SATB2: variants seen among roughly 807,000 people sequenced by gnomAD.
SATB2 encodes the protein SATB homeobox 2, also known as DNA-binding protein SATB2.
In SATB2, 1 loss-of-function variant was observed where a neutral mutation model predicts 73.4. The ratio of observed to expected loss-of-function variants is 0.01; its 90% CI spans 0.00 to 0.06. The LOEUF (loss-of-function observed/expected upper bound fraction) is 0.06, where lower values mean the gene tolerates loss of function less well. SATB2 is among the 10% of genes least tolerant of loss of function. SATB2 has a pLI of 1.00. For synonymous variants in SATB2, 397 were observed against 367.0 expected (o/e 1.08, Z -0.93); for missense variants, 459 against 945.8 (o/e 0.49, Z 6.75).
intron 3 of SATB2, among the ~76,000 whole-genome samples, chr2:199,393,275 G>C (rs1220132981): frequency 6.6e-6 from 1 of 152,272 alleles, no homozygotes; most frequent in East Asian, 1.9e-4. Context: ...AGGGAAGGAG[G>C]GAATGAAGCT....
chr2:199,369,442 A>G (rs1689379505), intron 5 of SATB2, among the ~76,000 whole-genome samples: 1 of 152,222 alleles, frequency 6.6e-6, no homozygotes, highest in Non-Finnish European at 1.5e-5. Context: ...AGTTAAAATT[A>G]TAATTACACA....
intron 10 of SATB2, among the ~76,000 whole-genome samples, chr2:199,295,872 C>T (rs1180806542): frequency 6.6e-6 from 1 of 152,170 alleles, no homozygotes. Context: ...CTTGATCTCC[C>T]ATTTCTAGGG....
intron 6 of SATB2, among the ~76,000 whole-genome samples, chr2:199,356,264 G>T (rs1463949650): frequency 1.4e-5 from 2 of 146,632 alleles, no homozygotes; most frequent in Admixed American, 1.4e-4. Context: ...AAGAAAAGAC[G>T]ACGGCAGAAT....
chr2:199,461,935 C>T (rs1445851633), upstream of SATB2, among the ~76,000 whole-genome samples: 2 of 152,204 alleles, frequency 1.3e-5, no homozygotes, highest in African/African-American at 4.8e-5. Flanking sequence ...GGTCAACCTT[C>T]CTTCCTAGAG....
chr2:199,436,022 A>C (rs576052885), intron 2 of SATB2, among the ~76,000 whole-genome samples: 50 of 152,318 alleles, frequency 3.3e-4, no homozygotes, highest in African/African-American at 1.1e-3. Context: ...TGTGTACATA[A>C]GTTTCGATGC....
chr2:199,458,399 G>C (rs965587268), upstream of SATB2: 25 of 354,820 alleles, frequency 7.0e-5, no homozygotes, highest in Non-Finnish European at 1.2e-4. Context: ...GTCGGAGCGG[G>C]GTGACGAGGA....
chr2:199,329,959 G>C (rs956214329), intron 7 of SATB2, among the ~76,000 whole-genome samples: 5 of 152,070 alleles, frequency 3.3e-5, no homozygotes, highest in Admixed American at 3.3e-4. Context: ...ATAAGAACAG[G>C]GTTTAGGATT....
chr2:199,395,635 AATG>A (rs112652034), intron 3 of SATB2, among the ~76,000 whole-genome samples: 34 of 152,336 alleles, frequency 2.2e-4, no homozygotes, highest in African/African-American at 7.9e-4. Context: ...AGAGTCCAAA[AATG>A]ATTATAAATT....
At chr2:199,452,863 CTCAGA>C (rs752722335) in intron 2 of SATB2, among the ~76,000 whole-genome samples, 9 of 152,004 alleles carry the variant, frequency 5.9e-5, no homozygotes, top group Admixed American at 4.6e-4. Flanking sequence ...AAACACACTG[CTCAGA>C]TAAGAGTAAA....
upstream of SATB2, among the ~76,000 whole-genome samples, chr2:199,467,875 G>A (rs1692623642): frequency 1.3e-5 from 2 of 151,972 alleles, no homozygotes; most frequent in Non-Finnish European, 2.9e-5. Flanking sequence ...TGCTCCTCTC[G>A]GTCTCAGCAT....
At chr2:199,377,369 T>C (rs148139357) in intron 5 of SATB2, among the ~76,000 whole-genome samples, 97 of 152,024 alleles carry the variant, frequency 6.4e-4, no homozygotes, top group Middle Eastern at 3.4e-3. Context: ...CAGAGCGAAA[T>C]TCTGTCTTAA....
chr2:199,447,880 T>C lies in SATB2; in HGVS notation c.169+7989A>G. Among the ~76,000 whole-genome samples the C allele has an allele frequency of 5.0e-5, 2 of 39,826 alleles. 1 individual carries two copies. The highest frequency in any genetic ancestry group is 2.7e-4 in the Non-Finnish European group (2 of 7,454). The allele number at this position is 39,826 out of a possible 152,430, so 26.1% of individuals were successfully genotyped here. ...AGGTCCACCTCATTTTTCTTAATGA[T>C]GTTTTTATTATTCTTTCACTCAATT... On this transcript the variant is annotated intron_variant, in intron 2 of 10. Transcript: ENST00000417098.
At chr2:199,451,440 T>C (rs1692120869) in intron 2 of SATB2, among the ~76,000 whole-genome samples, 1 of 146,868 alleles carries the variant, frequency 6.8e-6, no homozygotes, top group Non-Finnish European at 1.5e-5. Flanking sequence ...TTAAAAGATC[T>C]TAAAACCTTA....
intron 10 of SATB2, among the ~76,000 whole-genome samples, chr2:199,289,722 T>C (rs1457037515): frequency 1.3e-5 from 2 of 152,188 alleles, no homozygotes; most frequent in African/African-American, 4.8e-5. Context: ...CGCTCTTGAT[T>C]GGTGCTCCAA....
At chr2:199,296,841 C>T (rs1430056271) in intron 10 of SATB2, among the ~76,000 whole-genome samples, 1 of 152,160 alleles carries the variant, frequency 6.6e-6, no homozygotes, top group Non-Finnish European at 1.5e-5. Context: ...CATCTTTTCT[C>T]TTATTGGGTC....
intron 3 of SATB2, among the ~76,000 whole-genome samples, chr2:199,397,331 T>C (rs567635427): frequency 1.1e-4 from 16 of 152,230 alleles, no homozygotes; most frequent in African/African-American, 3.4e-4. Context: ...GCTTCTGCTA[T>C]TCACAGAATA....
rs555091401 is a variant in SATB2 at position 199,421,774 on chromosome 2, C to T, written c.346+11564G>A. Among the ~76,000 whole-genome samples the T allele has an allele frequency of 1.5e-3, 222 of 152,242 alleles. 2 individuals are homozygous for T. The highest frequency in any genetic ancestry group is 4.9e-3 in the African/African-American group (204 of 41,534). ...AGCCTTCTTCCACATTAAAAACAAA[C>T]GCTTAACTCCTTACCACAGACAAAG... On this transcript the variant is annotated intron_variant, in intron 3 of 10. Coordinates refer to ENST00000417098, the MANE Select transcript of SATB2 (RefSeq NM_001172509.2).
chr2:199,439,271 C>T (rs1691739316), intron 2 of SATB2, among the ~76,000 whole-genome samples: 2 of 152,254 alleles, frequency 1.3e-5, no homozygotes, highest in South Asian at 4.1e-4. Flanking sequence ...TCCACCAGCA[C>T]TCCTGAATGA....
intron 9 of SATB2, among the ~76,000 whole-genome samples, chr2:199,321,356 G>GAT (rs1436851283): frequency 1.1e-3 from 157 of 148,748 alleles, no homozygotes; most frequent in East Asian, 3.2e-3. Context: ...TCTATGTATA[G>GAT]ATATATATGT....
Sources: allele counts gnomAD v4.1 joint callset (sites outside exome capture counted in the v4.1 genomes callset), GRCh38; gene constraint gnomAD v4.1.1; transcripts MANE v1.5; gene names NCBI Gene and HGNC (gene_info 2026-07-23, HGNC 2026-07-21).